Variants in TNFRSF10C observed in about 807,000 individuals in gnomAD.
TNFRSF10C encodes the protein TNF receptor superfamily member 10c.
TNFRSF10C carries 17 observed loss-of-function variants against 16.7 expected under a neutral mutation model. The observed-to-expected ratio is 1.02, with a 90% confidence interval of 0.70 to 1.53. The LOEUF (loss-of-function observed/expected upper bound fraction) is 1.53. TNFRSF10C is among the 40% of genes most tolerant of loss of function. The pLI, the probability that TNFRSF10C is intolerant of heterozygous loss-of-function variation, is 0.00. For missense variants in TNFRSF10C, 237 were observed against 329.7 expected, an observed-to-expected ratio of 0.72 and a Z score of 2.18; for synonymous variants, 73 against 119.7, an observed-to-expected ratio of 0.61 and a Z score of 2.55.
chr8:23,115,969 G>C (rs1000355685), intron 4 of TNFRSF10C, among the ~76,000 whole-genome samples: 8 of 152,146 alleles, frequency 5.3e-5, no homozygotes, highest in Admixed American at 2.0e-4. Flanking sequence ...ATCCAGTCTG[G>C]GTTGTATTTG....
chr8:23,110,184 A>G (rs1813853451), intron 1 of TNFRSF10C, among the ~76,000 whole-genome samples: 2 of 151,636 alleles, frequency 1.3e-5, no homozygotes, highest in African/African-American at 4.8e-5. Context: ...GTGTGAGAGC[A>G]GAGAAAGGAG....
intron 1 of TNFRSF10C, among the ~76,000 whole-genome samples, chr8:23,103,912 C>T (rs552829279): frequency 1.3e-5 from 2 of 151,736 alleles, no homozygotes; most frequent in South Asian, 4.2e-4. Flanking sequence ...TGCTAACAGC[C>T]CTTTTTAAGA....
At position 23,114,719 on chromosome 8, in the gene TNFRSF10C, A is replaced by G; in HGVS notation, c.229A>G (p.Asn77Asp). The G allele has an allele frequency of 6.2e-7, 1 of 1,614,130 alleles. No homozygotes were observed. Among genetic ancestry groups the G allele is most frequent in the South Asian group, 1.1e-5 (1 of 91,084 alleles). ...GTGCACAGAGGGTGTGGATTACACC[A>G]ACGCTTCCAACAATGAACCTTCTTG... ...NPCTEGVDYTNASNNEPSCFP... is the reference protein window; with the variant it reads ...NPCTEGVDYTDASNNEPSCFP... The change falls in exon 3 of 5, where the codon AAC becomes GAC. Residue 77 changes from asparagine to aspartate, a missense_variant. By Grantham distance (23) the Asn-to-Asp change is conservative. This residue lies in a region of TNFRSF10C where 212 missense variants were observed against 196.8 expected (regional missense o/e 1.08). Coordinates refer to ENST00000356864, the MANE Select transcript of TNFRSF10C (RefSeq NM_003841.5).
chr8:23,117,060 C>G lies in TNFRSF10C; in HGVS notation c.*29C>G, dbSNP rs1408591784. 1 of 1,606,958 alleles carries G rather than the reference C, an allele frequency of 6.2e-7. No individual in the cohort carries two copies. The highest frequency in any genetic ancestry group is 1.7e-5 in the Admixed American group (1 of 59,616). Reference sequence around the variant, plus strand: ...ACTTCACTGTGGAAGAAATTCCTTCCTTACCTGAAAGGTTCAGGTAGGCGC... The same window carrying G: ...ACTTCACTGTGGAAGAAATTCCTTCGTTACCTGAAAGGTTCAGGTAGGCGC... On this transcript the variant is annotated 3_prime_UTR_variant, in exon 5 of 5. Coordinates refer to ENST00000356864, the MANE Select transcript of TNFRSF10C (RefSeq NM_003841.5).
chr8:23,110,609 A>G (rs769315418), intron 1 of TNFRSF10C, among the ~76,000 whole-genome samples: 24 of 152,312 alleles, frequency 1.6e-4, no homozygotes, highest in Non-Finnish European at 2.6e-4. Context: ...TGTCATTTAT[A>G]ACATAGAGAT....
rs764310730 is a variant in TNFRSF10C at position 23,116,900 on chromosome 8, C to T, written c.649C>T (p.Pro217Ser). The T allele has an allele frequency of 6.3e-7, 1 of 1,595,372 alleles. No individual in the cohort carries two copies. Among genetic ancestry groups the T allele is most frequent in the African/African-American group, 1.4e-5 (1 of 71,622 alleles). The change falls in exon 5 of 5, where the codon CCG (proline) becomes TCG (serine). Residue 217 changes from proline to serine, a missense_variant. This residue lies in a region of TNFRSF10C where 25 missense variants were observed against 133.0 expected (regional missense o/e 0.19). Transcript: ENST00000356864. ...TGCTGAAGAGACAATGACCACCAGCCCGGGGACTCCTGCCCCAGCTGCTGA... is the reference window on the plus strand; with the variant it reads ...TGCTGAAGAGACAATGACCACCAGCTCGGGGACTCCTGCCCCAGCTGCTGA... ...PAAEETMTTS[P>S]GTPAPAAEET...
chr8:23,115,273 C>T (rs189050090), intron 3 of TNFRSF10C, among the ~76,000 whole-genome samples: 1 of 152,288 alleles, frequency 6.6e-6, no homozygotes, highest in African/African-American at 2.4e-5. Flanking sequence ...CAATGCTTTT[C>T]CCCTAATCTG....
intron 1 of TNFRSF10C, among the ~76,000 whole-genome samples, chr8:23,110,003 A>G (rs530196821): frequency 5.2e-5 from 7 of 133,912 alleles, no homozygotes; most frequent in African/African-American, 1.6e-4. Flanking sequence ...CAAAGGTTGT[A>G]GTGAACCGAG....
In TNFRSF10C at chr8:23,116,699, G is replaced by C. The variant is rs574824749; in HGVS notation, c.448G>C (p.Val150Leu). ...NCTSWDDIQC[V>L]EEFGANATVE... is the part of the protein sequence containing the mutation. ...TACGTCCTGGGATGATATCCAGTGT[G>C]TTGAAGAATTTGGTGCCAATGCCAC... is the stretch of plus-strand genomic sequence containing the variant. Residue 150 changes from valine to leucine, a missense_variant, in exon 5 of 5, where the codon GTT becomes CTT. Around this residue, in one of 2 missense-constraint regions of TNFRSF10C, gnomAD observed 212 missense variants for 196.8 expected, o/e 1.08. Transcript: ENST00000356864. 7 of 1,614,236 alleles carry C rather than the reference G, an allele frequency of 4.3e-6. No individual in the cohort carries two copies. In the East Asian group the frequency reaches 1.1e-4, roughly 26 times the overall value.
chr8:23,110,030 C>G (rs567052207), intron 1 of TNFRSF10C, among the ~76,000 whole-genome samples: 1 of 121,932 alleles, frequency 8.2e-6, no homozygotes, highest in African/African-American at 3.2e-5. Flanking sequence ...CCACTGCACT[C>G]TGCGCTCCAA....
chr8:23,114,558 C>G, intron 2 of TNFRSF10C, 99 bp from the exon 3 acceptor site: 1 of 924,616 alleles, frequency 1.1e-6, no homozygotes, highest in Non-Finnish European at 1.7e-6. Flanking sequence ...ATTTCTCTGT[C>G]TCAATTCCAG....
intron 2 of TNFRSF10C, among the ~76,000 whole-genome samples, chr8:23,112,774 C>T (rs1225295371): frequency 2.0e-5 from 3 of 152,196 alleles, no homozygotes; most frequent in African/African-American, 7.2e-5. Flanking sequence ...TGCTCCAATG[C>T]ATATGGGAGG....
At chr8:23,111,863 T>G (rs774005282) in intron 2 of TNFRSF10C, 38 bp downstream of exon 2, 3 of 1,562,110 alleles carry the variant, frequency 1.9e-6, no homozygotes, top group Non-Finnish European at 2.6e-6. Flanking sequence ...TATTTTTAAT[T>G]GACAGATAAA....
chr8:23,106,389 G>T (rs1226860108), intron 1 of TNFRSF10C, among the ~76,000 whole-genome samples: 1 of 152,026 alleles, frequency 6.6e-6, no homozygotes, highest in East Asian at 1.9e-4. Context: ...GAGGGTCAGG[G>T]AGGGGAGCGA....
intron 1 of TNFRSF10C, among the ~76,000 whole-genome samples, chr8:23,104,983 C>T (rs543757352): frequency 6.6e-6 from 1 of 152,306 alleles, no homozygotes; most frequent in African/African-American, 2.4e-5. Context: ...TCAGATGAGC[C>T]TGGAGCTGAG....
intron 1 of TNFRSF10C, among the ~76,000 whole-genome samples, chr8:23,106,831 A>G (rs1813786048): frequency 6.6e-6 from 1 of 152,130 alleles, no homozygotes. Flanking sequence ...CTGAAAATAC[A>G]AAACAATTAG....
chr8:23,112,240 G>C (rs1246127320), intron 2 of TNFRSF10C, among the ~76,000 whole-genome samples: 2 of 151,808 alleles, frequency 1.3e-5, no homozygotes, highest in African/African-American at 4.9e-5. Flanking sequence ...AAGTAATCTA[G>C]AGATGATTTA....
intron 3 of TNFRSF10C, among the ~76,000 whole-genome samples, chr8:23,115,140 A>G (rs929509576): frequency 6.6e-6 from 1 of 151,294 alleles, no homozygotes; most frequent in African/African-American, 2.4e-5. Context: ...TCAGGTTCTC[A>G]GGCCCCTTCC....
chr8:23,103,515 A>G (rs1409636691), intron 1 of TNFRSF10C: 1 of 425,322 alleles, frequency 2.4e-6, no homozygotes, highest in African/African-American at 2.0e-5. Flanking sequence ...CTCATTAATT[A>G]ATTAATTAGT....
Sources: gnomAD v4.1 joint callset for allele counts (sites outside exome capture counted in the v4.1 genomes callset) on GRCh38, gnomAD v4.1.1 for gene constraint, gnomAD v4.1.1 regional missense constraint, MANE v1.5 for transcripts, NCBI Gene and HGNC (gene_info 2026-07-23, HGNC 2026-07-21) for gene names.